PDSS2: variants seen among roughly 807,000 people sequenced by gnomAD.
The protein encoded by PDSS2 is all trans-polyprenyl-diphosphate synthase PDSS2.
PDSS2 carries 31 observed loss-of-function variants against 44.5 expected under a neutral mutation model. The ratio of observed to expected loss-of-function variants is 0.70; its 90% CI spans 0.52 to 0.94. The LOEUF is 0.94. Among genes scored for constraint, PDSS2 ranks in the 40% least tolerant of loss-of-function variants. The pLI, the probability that PDSS2 is intolerant of heterozygous loss-of-function variation, is 0.00. For synonymous variants in PDSS2, 157 were observed against 180.3 expected (o/e 0.87, Z 1.03); for missense variants, 452 against 482.2 (o/e 0.94, Z 0.59).
intron 4 of PDSS2, among the ~76,000 whole-genome samples, 152 bp downstream of exon 4, chr6:107,245,395 GA>G (rs1399914936): frequency 9.6e-6 from 1 of 104,188 alleles, no homozygotes; most frequent in African/African-American, 3.8e-5. Flanking sequence ...GTATGGCCAT[GA>G]ATTTGTAGCC....
At chr6:107,211,541 C>T (rs914336438) in intron 5 of PDSS2, among the ~76,000 whole-genome samples, 3 of 151,426 alleles carry the variant, frequency 2.0e-5, no homozygotes, top group Non-Finnish European at 4.4e-5. Context: ...ACCATCCTGA[C>T]CAACATGGTG....
chr6:107,238,754 T>C (rs1409724223), intron 4 of PDSS2, among the ~76,000 whole-genome samples: 2 of 152,136 alleles, frequency 1.3e-5, no homozygotes, highest in East Asian at 1.9e-4. Context: ...ATTTGGAGGA[T>C]GGTAGGAACA....
chr6:107,408,887 C>A (rs1310097793), intron 1 of PDSS2, among the ~76,000 whole-genome samples: 1 of 152,176 alleles, frequency 6.6e-6, no homozygotes, highest in Non-Finnish European at 1.5e-5. Flanking sequence ...AGGAAAATGA[C>A]AGGAAACAAT....
chr6:107,260,098 A>G (rs1283579711), intron 3 of PDSS2, among the ~76,000 whole-genome samples: 1 of 152,216 alleles, frequency 6.6e-6, no homozygotes, highest in Non-Finnish European at 1.5e-5. Flanking sequence ...GCACAGCCAT[A>G]CTTTCCAACA....
intron 1 of PDSS2, among the ~76,000 whole-genome samples, chr6:107,417,221 C>T (rs1327245997): frequency 6.6e-6 from 1 of 151,930 alleles, no homozygotes; most frequent in African/African-American, 2.4e-5. Flanking sequence ...TAAATAGAAA[C>T]ATAATGTTCA....
chr6:107,236,510 T>C (rs1416604453), intron 4 of PDSS2, among the ~76,000 whole-genome samples: 1 of 152,056 alleles, frequency 6.6e-6, no homozygotes, highest in Non-Finnish European at 1.5e-5. Flanking sequence ...ACCTGTCTTA[T>C]AAGCAAGGTT....
chr6:107,365,307 CTG>C (rs1437220453), intron 1 of PDSS2, among the ~76,000 whole-genome samples: 3 of 151,914 alleles, frequency 2.0e-5, no homozygotes, highest in Non-Finnish European at 4.4e-5. Context: ...CTGAAGCAGA[CTG>C]TGATAAATTA....
intron 1 of PDSS2, among the ~76,000 whole-genome samples, chr6:107,395,842 T>C (rs1374749423): frequency 1.3e-5 from 2 of 152,220 alleles, no homozygotes; most frequent in African/African-American, 2.4e-5. Context: ...TGATTTTATG[T>C]TGCTGAGTGT....
chr6:107,207,816 G>C lies in PDSS2; in HGVS notation c.1008+2623C>G, dbSNP rs1055217517. On this transcript the variant is annotated intron_variant, in intron 6 of 7. Coordinates refer to ENST00000369037, the MANE Select transcript of PDSS2 (RefSeq NM_020381.4). ...ATAGAGATGGGGTTTCGCCATGTTG[G>C]CCAGGCTGGTCTCAAACTCCTGACC... 3.3e-5 allele frequency among the ~76,000 whole-genome samples: 5 copies of C among 151,350 alleles called. No homozygotes were observed. In the South Asian group the frequency reaches 1.0e-3, roughly 32 times the overall value.
At chr6:107,356,732 C>T (rs1778606545) in intron 1 of PDSS2, among the ~76,000 whole-genome samples, 1 of 152,134 alleles carries the variant, frequency 6.6e-6, no homozygotes, top group Admixed American at 6.5e-5. Flanking sequence ...ATAAACTCTC[C>T]AAACTGTCAG....
intron 2 of PDSS2, among the ~76,000 whole-genome samples, chr6:107,323,336 G>C (rs1217106377): frequency 6.6e-6 from 1 of 152,158 alleles, no homozygotes; most frequent in African/African-American, 2.4e-5. Context: ...GTGTCTTTCA[G>C]TGTCCAGTGC....
intron 1 of PDSS2, among the ~76,000 whole-genome samples, chr6:107,352,582 T>C (rs1342932552): frequency 2.0e-5 from 3 of 152,118 alleles, no homozygotes; most frequent in Non-Finnish European, 2.9e-5. Flanking sequence ...GAGAGGGTAG[T>C]TGGTATTCAA....
chr6:107,302,533 G>A lies in PDSS2; in HGVS notation c.432-28306C>T, dbSNP rs532027145. Among the ~76,000 whole-genome samples the A allele has an allele frequency of 4.6e-5, 7 of 152,118 alleles. No individual in the cohort carries two copies. In the East Asian group the frequency reaches 7.7e-4, roughly 17 times the overall value. ...TCCTCCTGCCTCGGCCTTTCTAAAC[G>A]CTGAGATTACAGGCATAAGCCACAG... is the stretch of plus-strand genomic sequence containing the variant. On this transcript the variant is annotated intron_variant, in intron 2 of 7. Transcript: ENST00000369037.
chr6:107,281,032 G>A (rs1388941832), intron 2 of PDSS2, among the ~76,000 whole-genome samples: 1 of 152,144 alleles, frequency 6.6e-6, no homozygotes, highest in Non-Finnish European at 1.5e-5. Context: ...ACCAGGTGGG[G>A]TTTCTGAGAA....
intron 2 of PDSS2, among the ~76,000 whole-genome samples, chr6:107,317,947 T>TC: frequency 6.6e-6 from 1 of 152,000 alleles, no homozygotes; most frequent in Non-Finnish European, 1.5e-5. Context: ...GTATTCCCCC[T>TC]CCCCCCAGAT....
chr6:107,342,671 A>G (rs1392302687), intron 1 of PDSS2, among the ~76,000 whole-genome samples: 2 of 152,222 alleles, frequency 1.3e-5, no homozygotes, highest in East Asian at 1.9e-4. Flanking sequence ...TGAAAAGAAG[A>G]TAAGTGTACT....
chr6:107,425,014 T>C (rs1201580312), intron 1 of PDSS2, among the ~76,000 whole-genome samples: 3 of 152,194 alleles, frequency 2.0e-5, no homozygotes, highest in African/African-American at 7.2e-5. Flanking sequence ...TCACGAGATC[T>C]GATGGTTTTA....
At chr6:107,322,025 G>T (rs985378566) in intron 2 of PDSS2, among the ~76,000 whole-genome samples, 1 of 152,050 alleles carries the variant, frequency 6.6e-6, no homozygotes, top group African/African-American at 2.4e-5. Context: ...ACCTGATGGG[G>T]CCTAAACAAT....
chr6:107,221,336 C>T (rs1259535185), intron 4 of PDSS2, among the ~76,000 whole-genome samples: 2 of 95,598 alleles, frequency 2.1e-5, no homozygotes, highest in Non-Finnish European at 3.7e-5. Flanking sequence ...AGTGAGACTC[C>T]GTCTCGAAAA....
Sources: allele counts gnomAD v4.1 joint callset (sites outside exome capture counted in the v4.1 genomes callset), GRCh38; gene constraint gnomAD v4.1.1; transcripts MANE v1.5; gene names NCBI Gene and HGNC (gene_info 2026-07-23, HGNC 2026-07-21).